Variants in ZNF586 observed in about 807,000 individuals in gnomAD.
The protein encoded by ZNF586 is zinc finger protein 586.
Under a neutral mutation model 6.7 loss-of-function variants are expected in ZNF586, and 7 were observed. The observed-to-expected ratio is 1.04, with a 90% CI of 0.59 to 1.95. ZNF586 has a LOEUF of 1.95. Among genes scored for constraint, ZNF586 ranks in the 30% most tolerant of loss-of-function variants. The pLI, the probability that ZNF586 is intolerant of heterozygous loss-of-function variation, is 0.00. For missense variants in ZNF586, 442 were observed against 489.6 expected (o/e 0.90, Z 0.92); for synonymous variants, 166 against 168.7 (o/e 0.98, Z 0.12).
intron 2 of ZNF586, among the ~76,000 whole-genome samples, chr19:57,778,226 C>A (rs1271628524): frequency 6.6e-6 from 1 of 152,006 alleles, no homozygotes; most frequent in Non-Finnish European, 1.5e-5. Context: ...TGCATGCCAC[C>A]ACACCTGGCT....
At chr19:57,775,629 G>T (rs1421467844) in intron 1 of ZNF586, among the ~76,000 whole-genome samples, 2 of 144,176 alleles carry the variant, frequency 1.4e-5, no homozygotes, top group African/African-American at 2.7e-5. Context: ...TTGAGACAGG[G>T]TCTTGCTCCG....
chr19:57,777,359 C>T (rs954249934), intron 2 of ZNF586, among the ~76,000 whole-genome samples: 16 of 152,086 alleles, frequency 1.1e-4, no homozygotes, highest in African/African-American at 3.9e-4. Context: ...AGTTGCTCAT[C>T]TTGGTGGTGA....
At chr19:57,770,318 T>A (rs1332309215) in intron 1 of ZNF586, among the ~76,000 whole-genome samples, 2 of 151,280 alleles carry the variant, frequency 1.3e-5, no homozygotes, top group Non-Finnish European at 1.5e-5. Context: ...CACCACGGGG[T>A]TTCACCATGT....
intron 1 of ZNF586, 94 bp from the exon 2 acceptor site, chr19:57,776,449 A>T: frequency 6.9e-7 from 1 of 1,454,168 alleles, no homozygotes; most frequent in Non-Finnish European, 9.2e-7. Flanking sequence ...TCCTGGGAGG[A>T]GGAGGATGGG....
chr19:57,780,037 T>C lies in ZNF586; in HGVS notation c.*241T>C. ...ATTTACATGAGGAAAATACCACAGA[T>C]GTGGAGGTAATATTATTTTTTCTTC... On this transcript the variant is annotated 3_prime_UTR_variant, in exon 3 of 3. Transcript: ENST00000396154. 2.0e-6 allele frequency: 1 copy of C among 510,556 alleles called. No homozygotes were observed. Among genetic ancestry groups the C allele is most frequent in the South Asian group, 3.3e-5 (1 of 30,108 alleles). The allele number at this position is 510,556 out of a possible 1,614,324, so 31.6% of individuals were successfully genotyped here.
At position 57,779,200 on chromosome 19, in the gene ZNF586, C is replaced by T. The variant is rs752734548; in HGVS notation, c.613C>T (p.Arg205Cys). 1.4e-5 allele frequency: 23 copies of T among 1,613,712 alleles called. No individual in the cohort carries two copies. Among genetic ancestry groups the T allele is most frequent in the Admixed American group, 3.3e-5 (2 of 59,954 alleles). Reference protein sequence around the residue: ...NHRKVHSGAKRYECNECGKSF... With the variant: ...NHRKVHSGAKCYECNECGKSF... ...CAGGAAAGTTCACTCTGGAGCAAAG[C>T]GTTATGAATGCAATGAATGTGGGAA... The change falls in exon 3 of 3, where the codon CGT (arginine) becomes TGT (cysteine). Residue 205 changes from arginine (R) to cysteine (C), a missense_variant. Arg to Cys is a radical substitution (Grantham distance 180, BLOSUM62 -3). Coordinates refer to ENST00000396154, the MANE Select transcript of ZNF586 (RefSeq NM_017652.4).
intron 1 of ZNF586, among the ~76,000 whole-genome samples, chr19:57,772,078 T>C (rs1466153813): frequency 1.3e-5 from 2 of 152,172 alleles, no homozygotes; most frequent in East Asian, 3.8e-4. Flanking sequence ...CGCCTTGGCC[T>C]CCCAAAGTGC....
rs778480794 is a variant in ZNF586, at chr19:57,779,753, G to T, written c.1166G>T (p.Arg389Leu). ...GKSFRHSSSF[R>L]RHQRVHTGMR... ...TCATTTCGCCACAGTTCTTCGTTCC[G>T]TCGCCATCAGAGAGTTCATACTGGA... The change falls in exon 3 of 3, where the codon CGT (arginine) becomes CTT (leucine). Residue 389 changes from arginine to leucine, a missense_variant. Coordinates refer to ENST00000396154, the MANE Select transcript of ZNF586 (RefSeq NM_017652.4). The T allele has an allele frequency of 2.2e-5, 35 of 1,609,542 alleles. No individual in the cohort carries two copies. Among genetic ancestry groups the T allele is most frequent in the Non-Finnish European group, 2.8e-5 (33 of 1,177,348 alleles).
chr19:57,779,384 A>C lies in ZNF586; in HGVS notation c.797A>C (p.Glu266Ala). ...GGAGAAAGGCCTTATGAATGCGTTG[A>C]GTGTGGAAAATCATTTCGCCGAAGC... is the stretch of plus-strand genomic sequence containing the variant. ...HTGERPYECV[E>A]CGKSFRRSSS... is the part of the protein sequence containing the mutation. The change falls in exon 3 of 3, where the codon GAG (glutamate) becomes GCG (alanine). Residue 266 changes from glutamate (E) to alanine (A), a missense_variant. Glu to Ala is a moderately radical substitution (Grantham distance 107). Coordinates refer to ENST00000396154, the MANE Select transcript of ZNF586 (RefSeq NM_017652.4). 6.2e-7 allele frequency: 1 copy of C among 1,613,210 alleles called. No individual in the cohort carries two copies. Among genetic ancestry groups the C allele is most frequent in the Non-Finnish European group, 8.5e-7 (1 of 1,179,854 alleles).
At position 57,776,536 on chromosome 19, in the gene ZNF586, A is replaced by G. The variant is rs1055524749; in HGVS notation, c.37-7A>G. ...ATTTGTGGTTTCATCTATCCCCATC[A>G]TAACAGAGCAGTGTGACCTTTGAAG... On this transcript the variant is annotated splice_region_variant and splice_polypyrimidine_tract_variant and intron_variant, in intron 1 of 2. Coordinates refer to ENST00000396154, the MANE Select transcript of ZNF586 (RefSeq NM_017652.4). 1 of 1,610,340 alleles carries G rather than the reference A, an allele frequency of 6.2e-7. No homozygotes were observed.
At chr19:57,770,430 G>A (rs766356155) in intron 1 of ZNF586, among the ~76,000 whole-genome samples, 1 of 152,140 alleles carries the variant, frequency 6.6e-6, no homozygotes, top group Non-Finnish European at 1.5e-5. Flanking sequence ...TGGCCGAGGC[G>A]GAGTTGTTTC....
At chr19:57,774,708 G>A in intron 1 of ZNF586, 1 of 981,624 alleles carries the variant, frequency 1.0e-6, no homozygotes, top group Non-Finnish European at 1.2e-6. Flanking sequence ...GGCTACCATT[G>A]CTATTGAGAA....
chr19:57,778,433 G>T (rs7251603), intron 2 of ZNF586, among the ~76,000 whole-genome samples: 24,211 of 151,372 alleles, frequency 0.16, 4,861 homozygotes, highest in African/African-American at 0.48. Context: ...TAGTCATGTT[G>T]GGGGGGGCCT....
rs1284253055 is a variant in ZNF586 at position 57,779,190 on chromosome 19, T to A, written c.603T>A (p.Ser201=). The change falls in exon 3 of 3, where the codon TCT becomes TCA. Residue 201 remains serine (S), a synonymous_variant. Transcript: ENST00000396154. ...TCATTAACCACAGGAAAGTTCACTC[T>A]GGAGCAAAGCGTTATGAATGCAATG... is the stretch of plus-strand genomic sequence containing the variant. The part of the protein sequence containing the change: ...SSLINHRKVH[S]GAKRYECNEC... The A allele has an allele frequency of 1.1e-5, 18 of 1,613,924 alleles. No individual in the cohort carries two copies. The highest frequency in any genetic ancestry group is 1.4e-5 in the Non-Finnish European group (16 of 1,180,018).
intron 1 of ZNF586, among the ~76,000 whole-genome samples, chr19:57,773,109 G>T (rs910196473): frequency 2.0e-5 from 3 of 152,172 alleles, no homozygotes; most frequent in African/African-American, 7.2e-5. Flanking sequence ...AAATGTATTA[G>T]ATACTACTTA....
Position 57,778,861 on chromosome 19 carries a change from G to A in ZNF586, c.274G>A (p.Glu92Lys). The A allele has an allele frequency of 6.2e-7, 1 of 1,614,142 alleles. No individual in the cohort carries two copies. The highest frequency in any genetic ancestry group is 8.5e-7 in the Non-Finnish European group (1 of 1,180,034). ...TGGAGAAAGGCCTTATGAGTGTGGGGAATATAGGAAATTATTTAAGAACAA... is the reference window on the plus strand; with the variant it reads ...TGGAGAAAGGCCTTATGAGTGTGGGAAATATAGGAAATTATTTAAGAACAA... The part of the protein sequence containing the change: ...HSGERPYECG[E>K]YRKLFKNKSC... The change falls in exon 3 of 3, where the codon GAA becomes AAA. Residue 92 changes from glutamate (E) to lysine (K), a missense_variant. Transcript: ENST00000396154.
At chr19:57,771,315 AAGAG>A (rs1358735649) in intron 1 of ZNF586, among the ~76,000 whole-genome samples, 9 of 116,508 alleles carry the variant, frequency 7.7e-5, no homozygotes, top group South Asian at 2.5e-4. Context: ...AAAAAAAAAA[AAGAG>A]AGAGAGAGAG....
intron 1 of ZNF586, among the ~76,000 whole-genome samples, chr19:57,770,117 C>G (rs1987054005): frequency 6.7e-6 from 1 of 150,206 alleles, no homozygotes; most frequent in African/African-American, 2.4e-5. Context: ...ACGGGGACAT[C>G]GTGTGTCTAC....
At position 57,780,275 on chromosome 19, in the gene ZNF586, CT is replaced by C. The variant is rs1987355303; in HGVS notation, c.*480del. The C allele has an allele frequency of 6.2e-6, 1 of 161,444 alleles. No individual in the cohort carries two copies. The highest frequency in any genetic ancestry group is 1.8e-4 in the East Asian group (1 of 5,416). The allele number at this position is 161,444 out of a possible 1,614,324, so 10.0% of individuals were successfully genotyped here. A position where few individuals can be genotyped will look rare whatever the true frequency, so the allele number is the denominator to read the frequency against. On this transcript the variant is annotated 3_prime_UTR_variant, in exon 3 of 3. Transcript: ENST00000396154. ...CAGGTGCCCACAGTACATCATTCGC[CT>C]AACTCATCATGATCCAGAAGTAACT... is the stretch of plus-strand genomic sequence containing the variant.
Sources: allele counts gnomAD v4.1 joint callset (sites outside exome capture counted in the v4.1 genomes callset), GRCh38; gene constraint gnomAD v4.1.1; transcripts MANE v1.5; gene names NCBI Gene and HGNC (gene_info 2026-07-23, HGNC 2026-07-21).